Variants in LARGE1 observed in about 807,000 individuals in gnomAD.
LARGE1 encodes the protein LARGE xylosyl- and glucuronyltransferase 1.
LARGE1 carries 43 observed loss-of-function variants against 87.6 expected under a neutral mutation model. That is an observed-to-expected ratio of 0.49 (90% CI 0.38 to 0.63). The LOEUF is 0.63. LARGE1 is among the 30% of genes least tolerant of loss of function. The probability of loss-of-function intolerance (pLI) is 0.00; values close to 1 mark genes in which losing one functional copy is unlikely to be tolerated. For missense variants in LARGE1, 802 were observed against 1,000.2 expected, an observed-to-expected ratio of 0.80 and a Z score of 2.67; for synonymous variants, 434 against 394.6, an observed-to-expected ratio of 1.10 and a Z score of -1.18.
chr22:33,719,890 T>C (rs1402583201), intron 2 of LARGE1, among the ~76,000 whole-genome samples: 4 of 152,138 alleles, frequency 2.6e-5, no homozygotes, highest in African/African-American at 9.7e-5. Flanking sequence ...GTGTTACAAT[T>C]GCCTCCGGTA....
intron 7 of LARGE1, among the ~76,000 whole-genome samples, chr22:33,392,451 G>A (rs1192067113): frequency 2.0e-5 from 3 of 152,152 alleles, no homozygotes; most frequent in East Asian, 3.9e-4. Flanking sequence ...CTGAGGTCAG[G>A]AGTTCGAGAC....
chr22:33,661,044 A>G (rs1030074839), intron 2 of LARGE1, among the ~76,000 whole-genome samples: 2 of 152,132 alleles, frequency 1.3e-5, no homozygotes, highest in African/African-American at 4.8e-5. Flanking sequence ...TCTTGTTCAA[A>G]TCAGAAGACC....
intron 6 of LARGE1, among the ~76,000 whole-genome samples, chr22:33,443,691 A>T (rs894428405): frequency 6.6e-6 from 1 of 152,170 alleles, no homozygotes; most frequent in Non-Finnish European, 1.5e-5. Context: ...CCCCCAAGAT[A>T]TCCCCAGCAG....
intron 2 of LARGE1, among the ~76,000 whole-genome samples, chr22:33,660,578 C>T (rs954009834): frequency 3.9e-5 from 6 of 152,220 alleles, no homozygotes; most frequent in South Asian, 2.1e-4. Context: ...GCGTTAGTGA[C>T]GGTCTCCAAT....
chr22:33,472,833 C>A (rs1313123770), intron 6 of LARGE1, among the ~76,000 whole-genome samples: 1 of 152,216 alleles, frequency 6.6e-6, no homozygotes, highest in Non-Finnish European at 1.5e-5. Flanking sequence ...AGCTGCTCGT[C>A]ATTTTGTAAA....
intron 2 of LARGE1, among the ~76,000 whole-genome samples, chr22:33,685,054 G>T (rs1412618720): frequency 6.6e-6 from 1 of 152,138 alleles, no homozygotes; most frequent in Non-Finnish European, 1.5e-5. Flanking sequence ...GAGATGAGAT[G>T]GGATGGAAAC....
rs1412465771 is a variant in LARGE1 at position 33,203,087 on chromosome 22, CTCTCTCTCTCTCTCTG to C, written c.1731-36271_1731-36256del. On this transcript the variant is annotated intron_variant, in intron 11 of 11. Transcript: ENST00000608642. The stretch of plus-strand genomic sequence containing the variant: ...CTAAACTCTCTCTCTCTCTCTCTCT[CTCTCTCTCTCTCTCTG>C]TGTGTGTGTGTGTGTGTGTGTGCAA... 7.6e-3 allele frequency among the ~76,000 whole-genome samples: 1,015 copies of C among 134,078 alleles called. 5 individuals are homozygous for C. Among genetic ancestry groups the C allele is most frequent in the Middle Eastern group, 0.016 (4 of 244 alleles). 88.0% of individuals were successfully genotyped at this position (134,078 alleles called of 152,430 possible).
the LARGE1 span, among the ~76,000 whole-genome samples, chr22:33,104,697 TG>T: frequency 6.6e-6 from 1 of 152,360 alleles, no homozygotes; most frequent in South Asian, 2.1e-4. Flanking sequence ...GAATATGTTA[TG>T]CATTTTCACA....
At chr22:33,485,513 G>T (rs1448002674) in intron 6 of LARGE1, among the ~76,000 whole-genome samples, 2 of 152,146 alleles carry the variant, frequency 1.3e-5, no homozygotes, top group Non-Finnish European at 2.9e-5. Context: ...ATAAAAAAAG[G>T]AATACATATT....
intron 5 of LARGE1, among the ~76,000 whole-genome samples, chr22:33,598,519 C>A (rs1443104000): frequency 6.6e-6 from 1 of 152,058 alleles, no homozygotes; most frequent in Non-Finnish European, 1.5e-5. Flanking sequence ...GCTATCCCTC[C>A]CCCAGGCCCC....
At chr22:33,594,846 G>T (rs898961480) in intron 5 of LARGE1, among the ~76,000 whole-genome samples, 2 of 152,010 alleles carry the variant, frequency 1.3e-5, no homozygotes, top group African/African-American at 4.8e-5. Flanking sequence ...ACCTTAGGTG[G>T]TCCACCTGCC....
chr22:33,746,708 G>A (rs2084099481), intron 2 of LARGE1, among the ~76,000 whole-genome samples: 1 of 152,166 alleles, frequency 6.6e-6, no homozygotes, highest in African/African-American at 2.4e-5. Context: ...CCAGGCACTT[G>A]GTGTGAAAAC....
chr22:33,623,357 C>CAGTA (rs770326924), intron 4 of LARGE1, among the ~76,000 whole-genome samples: 1 of 152,160 alleles, frequency 6.6e-6, no homozygotes, highest in African/African-American at 2.4e-5. Flanking sequence ...GGTCAGAAGA[C>CAGTA]AGTAGGTCAA....
chr22:33,148,889 G>GTT, the LARGE1 span, among the ~76,000 whole-genome samples: 1 of 151,774 alleles, frequency 6.6e-6, no homozygotes, highest in Non-Finnish European at 1.5e-5. Context: ...GTCTGTCCAG[G>GTT]TTTTGCCCAT....
chr22:33,692,602 C>T (rs143395716), intron 2 of LARGE1, among the ~76,000 whole-genome samples: 126 of 152,326 alleles, frequency 8.3e-4, no homozygotes, highest in Non-Finnish European at 1.4e-3. Flanking sequence ...TGAGCCACCG[C>T]GCCCGGCCAA....
At chr22:33,473,541 G>A (rs2068943892) in intron 6 of LARGE1, among the ~76,000 whole-genome samples, 1 of 152,080 alleles carries the variant, frequency 6.6e-6, no homozygotes, top group Non-Finnish European at 1.5e-5. Flanking sequence ...TTTTAGTAGA[G>A]ACGAGGTTTC....
At chr22:33,663,655 C>G (rs897406937) in intron 2 of LARGE1, among the ~76,000 whole-genome samples, 2 of 152,140 alleles carry the variant, frequency 1.3e-5, no homozygotes, top group African/African-American at 4.8e-5. Flanking sequence ...GGCTGATTGG[C>G]CAAGAGGATA....
chr22:33,676,978 T>C (rs367653142), intron 2 of LARGE1, among the ~76,000 whole-genome samples: 2 of 152,216 alleles, frequency 1.3e-5, no homozygotes, highest in East Asian at 1.9e-4. Flanking sequence ...TTTCCAAAAG[T>C]TTTACTTTTC....
At chr22:33,648,145 C>T (rs1244957825) in intron 3 of LARGE1, among the ~76,000 whole-genome samples, 6 of 152,172 alleles carry the variant, frequency 3.9e-5, no homozygotes, top group Non-Finnish European at 2.9e-5. Flanking sequence ...AGCTGTTAAA[C>T]TAGAAATGGG....
Sources: gnomAD v4.1 joint callset for allele counts (sites outside exome capture counted in the v4.1 genomes callset) on GRCh38, gnomAD v4.1.1 for gene constraint, MANE v1.5 for transcripts, NCBI Gene and HGNC (gene_info 2026-07-23, HGNC 2026-07-21) for gene names.